STK11: variants seen among roughly 807,000 people sequenced by gnomAD.
STK11 encodes serine/threonine-protein kinase STK11.
A neutral mutation model predicts 47.3 loss-of-function variants in STK11; 8 were observed. The ratio of observed to expected loss-of-function variants is 0.17; its 90% CI spans 0.10 to 0.31. The LOEUF is 0.31. Among genes scored for constraint, STK11 ranks in the 10% least tolerant of loss-of-function variants. The probability of loss-of-function intolerance (pLI) is 1.00; values close to 1 mark genes in which losing one functional copy is unlikely to be tolerated. For synonymous variants in STK11, 330 were observed against 255.8 expected (o/e 1.29, Z -2.77); for missense variants, 475 against 605.0 (o/e 0.79, Z 2.25).
In STK11 at chr19:1,227,693, G is replaced by A. The variant is rs955865504; in HGVS notation, c.*117G>A. The A allele has an allele frequency of 1.9e-6, 2 of 1,069,448 alleles. No individual in the cohort carries two copies. The highest frequency in any genetic ancestry group is 5.3e-5 in the Admixed American group (1 of 18,738). 66.2% of individuals were successfully genotyped at this position (1,069,448 alleles called of 1,614,324 possible). On this transcript the variant is annotated 3_prime_UTR_variant, in exon 10 of 10. Transcript: ENST00000326873. ...GAGGTGGCCGCCATGCTTCTGTGCC[G>A]ACCACGCCCCAGGACCTCCGGAGCG... is the stretch of plus-strand genomic sequence containing the variant.
At chr19:1,217,587 A>AG (rs1488463171) in intron 1 of STK11, among the ~76,000 whole-genome samples, 3 of 152,132 alleles carry the variant, frequency 2.0e-5, no homozygotes, top group East Asian at 3.9e-4. Context: ...GCAGCTGCAG[A>AG]GGGGGCAGTG....
chr19:1,223,608 G>A (rs2080801222), intron 8 of STK11: 1 of 1,070,490 alleles, frequency 9.3e-7, no homozygotes, highest in Admixed American at 4.9e-5. Context: ...CTGCCCGCTG[G>A]CCCTGATGCC....
intron 1 of STK11, among the ~76,000 whole-genome samples, chr19:1,211,940 C>T (rs529613543): frequency 3.3e-5 from 5 of 152,354 alleles, no homozygotes; most frequent in African/African-American, 4.8e-5. Flanking sequence ...TCTGCTGAGG[C>T]CCCTGCGCCA....
rs759473833 is a variant in STK11, at chr19:1,223,133, G to C, written c.1069G>C (p.Glu357Gln). 1.9e-6 allele frequency: 3 copies of C among 1,611,848 alleles called. No homozygotes were observed. The African/African-American group carries it at 4.0e-5, about 21-fold the overall frequency. Residue 357 changes from glutamate to glutamine, a missense_variant, in exon 8 of 10, where the codon GAG (glutamate) becomes CAG (glutamine). This residue lies in a region of STK11 where 219 missense variants were observed against 189.2 expected (regional missense o/e 1.16). Coordinates refer to ENST00000326873, the MANE Select transcript of STK11 (RefSeq NM_000455.5). ...CGAGGACGAGGACCTCTTCGACATCGAGGATGACATCATCTACACTCAGGA... is the reference window on the plus strand; with the variant it reads ...CGAGGACGAGGACCTCTTCGACATCCAGGATGACATCATCTACACTCAGGA... ...ADEDEDLFDI[E>Q]DDIIYTQDFT...
At chr19:1,225,553 G>A in intron 8 of STK11, 1 of 985,570 alleles carries the variant, frequency 1.0e-6, no homozygotes, top group Non-Finnish European at 1.2e-6. Context: ...ACAAGCGTGA[G>A]CCACCGCGAC....
chr19:1,227,419 C>A, intron 9 of STK11, 174 bp from the exon 10 acceptor site: 2 of 609,272 alleles, frequency 3.3e-6, no homozygotes, highest in African/African-American at 1.9e-5. Flanking sequence ...CAAAAGGCCA[C>A]ACAATGTACC....
intron 8 of STK11, 135 bp from the exon 9 acceptor site, chr19:1,226,319 C>A: frequency 6.7e-7 from 1 of 1,486,914 alleles, no homozygotes; most frequent in Non-Finnish European, 9.0e-7. Context: ...GCTGGATACA[C>A]CTGGGCCTGA....
chr19:1,219,190 G>A, intron 2 of STK11, 134 bp from the exon 3 acceptor site: 1 of 1,024,162 alleles, frequency 9.8e-7, no homozygotes, highest in East Asian at 2.6e-5. Flanking sequence ...GTGGCTGAGG[G>A]CAGGGTGGGC....
In STK11 at chr19:1,227,720, C is replaced by T. The variant is rs1055935025; in HGVS notation, c.*144C>T. ...CCACGCCCCAGGACCTCCGGAGCGC[C>T]CTGCAGGGCCGGGCAGGGGGACAGC... On this transcript the variant is annotated 3_prime_UTR_variant, in exon 10 of 10. Coordinates refer to ENST00000326873, the MANE Select transcript of STK11 (RefSeq NM_000455.5). 1 of 1,071,126 alleles carries T rather than the reference C, an allele frequency of 9.3e-7. No homozygotes were observed. Among genetic ancestry groups the T allele is most frequent in the Non-Finnish European group, 1.1e-6 (1 of 882,992 alleles). The allele number at this position is 1,071,126 out of a possible 1,614,324, so 66.4% of individuals were successfully genotyped here. A position where few individuals can be genotyped will look rare whatever the true frequency, so the allele number is the denominator to read the frequency against.
rs864622448 is a variant in STK11, at chr19:1,226,588, C to A, written c.1243C>A (p.Arg415Ser). 2 of 1,573,780 alleles carry A rather than the reference C, an allele frequency of 1.3e-6. No homozygotes were observed. Among genetic ancestry groups the A allele is most frequent in the Non-Finnish European group, 1.7e-6 (2 of 1,161,314 alleles). The change falls in exon 9 of 10, where the codon CGC (arginine) becomes AGC (serine). Residue 415 changes from arginine (R) to serine (S), a missense_variant. Transcript: ENST00000326873. ...GGAGGGCCGGGCCCCCAACCCTGCC[C>A]GCAAGGCCTGCTCCGCCAGCAGCAA... The part of the protein sequence containing the change: ...RAEGRAPNPA[R>S]KACSASSKIR...
At chr19:1,213,282 C>A (rs868647949) in intron 1 of STK11, among the ~76,000 whole-genome samples, 4 of 152,080 alleles carry the variant, frequency 2.6e-5, no homozygotes, top group Admixed American at 1.3e-4. Context: ...CAGGTGTGAG[C>A]CACCGCACCC....
At chr19:1,219,458 C>T in intron 3 of STK11, 45 bp downstream of exon 3, 1 of 1,537,636 alleles carries the variant, frequency 6.5e-7, no homozygotes, top group Non-Finnish European at 8.8e-7. Flanking sequence ...GGGCCGGGGG[C>T]CAGGCAGGGC....
intron 1 of STK11, among the ~76,000 whole-genome samples, chr19:1,214,192 G>A (rs991401963): frequency 3.9e-5 from 6 of 152,180 alleles, no homozygotes; most frequent in Non-Finnish European, 5.9e-5. Flanking sequence ...GGCTGGAGAC[G>A]TCAGAGGAAG....
intron 8 of STK11, chr19:1,225,481 G>A (rs757488487): frequency 5.5e-6 from 5 of 908,382 alleles, no homozygotes; most frequent in Non-Finnish European, 6.6e-6. Flanking sequence ...ATGTTGGTCA[G>A]GCTGGTCTCA....
chr19:1,208,056 C>G lies in STK11; in HGVS notation c.290+853C>G, dbSNP rs34973804. On this transcript the variant is annotated intron_variant, in intron 1 of 9. Coordinates refer to ENST00000326873, the MANE Select transcript of STK11 (RefSeq NM_000455.5). ...CCGCCTGGCGGGCCCTGCCCAGGCC[C>G]TGCTCCTTTCCCAGCCTTCTTAACT... is the stretch of plus-strand genomic sequence containing the variant. Among the ~76,000 whole-genome samples, 435 of 152,338 alleles carry G rather than the reference C, an allele frequency of 2.9e-3. 1 individual carries two copies. Among genetic ancestry groups the G allele is most frequent in the Admixed American group, 4.0e-3 (61 of 15,300 alleles).
rs1360284524 is a variant in STK11 at position 1,206,929 on chromosome 19, C to T, written c.16C>T (p.Pro6Ser). 1 of 1,588,908 alleles carries T rather than the reference C, an allele frequency of 6.3e-7. No individual in the cohort carries two copies. Among genetic ancestry groups the T allele is most frequent in the Non-Finnish European group, 8.6e-7 (1 of 1,168,144 alleles). The change falls in exon 1 of 10, where the codon CCG (proline) becomes TCG (serine). Residue 6 changes from proline to serine, a missense_variant. By Grantham distance (74) the Pro-to-Ser change is moderately conservative. Coordinates refer to ENST00000326873, the MANE Select transcript of STK11 (RefSeq NM_000455.5). MEVVD[P>S]QQLGMFTEGE... ...TGGGTCCAGCATGGAGGTGGTGGAC[C>T]CGCAGCAGCTGGGCATGTTCACGGA...
chr19:1,222,048 G>GGC, intron 7 of STK11, 42 bp downstream of exon 7: 3 of 1,550,744 alleles, frequency 1.9e-6, no homozygotes, highest in Non-Finnish European at 2.6e-6. Context: ...GCTGCAGGGA[G>GGC]GCCGGCCATG....
In STK11 at chr19:1,225,406, A is replaced by G. The variant is rs2080813876; in HGVS notation, c.1109-1048A>G. On this transcript the variant is annotated intron_variant, in intron 8 of 9. Transcript: ENST00000326873. ...TGCCTCAGCCTCCTGAGTAGCTGGG[A>G]TTACAAGTGCGCGCCAGCATGCCCG... 3.8e-6 allele frequency: 3 copies of G among 798,094 alleles called. No individual in the cohort carries two copies. In the African/African-American group the frequency reaches 5.6e-5, roughly 15 times the overall value. 49.4% of individuals were successfully genotyped at this position (798,094 alleles called of 1,614,324 possible).
intron 6 of STK11, 124 bp downstream of exon 6, chr19:1,221,464 G>T (rs945089667): frequency 1.4e-6 from 2 of 1,401,400 alleles, no homozygotes; most frequent in Non-Finnish European, 1.9e-6. Context: ...TGAGAGGACT[G>T]AGTGGAGAGG....
Sources: allele counts gnomAD v4.1 joint callset (sites outside exome capture counted in the v4.1 genomes callset), GRCh38; gene constraint gnomAD v4.1.1; regional missense constraint gnomAD v4.1.1; transcripts MANE v1.5; gene names NCBI Gene and HGNC (gene_info 2026-07-23, HGNC 2026-07-21).